The following ARID1B variants were observed in gnomAD, a reference collection of about 807,000 sequenced individuals.
ARID1B encodes AT-rich interactive domain-containing protein 1B.
A neutral mutation model predicts 212.3 loss-of-function variants in ARID1B; 30 were observed. The observed-to-expected ratio is 0.14, with a 90% CI of 0.11 to 0.19. ARID1B has a LOEUF of 0.19. Among genes scored for constraint, ARID1B ranks in the 10% least tolerant of loss-of-function variants. The pLI, the probability that ARID1B is intolerant of heterozygous loss-of-function variation, is 1.00. For missense variants in ARID1B, 2,891 were observed against 3,204.0 expected (o/e 0.90, Z 2.36); for synonymous variants, 1,402 against 1,301.7 (o/e 1.08, Z -1.66).
chr6:157,039,658 C>CT (rs1562569070), intron 4 of ARID1B, among the ~76,000 whole-genome samples: 5 of 51,302 alleles, frequency 9.7e-5, no homozygotes, highest in African/African-American at 7.5e-4. Context: ...TCCTTCCTTC[C>CT]TTCCTTCCTT....
chr6:157,113,471 A>G lies in ARID1B; in HGVS notation c.2581+2910A>G, dbSNP rs1023321701. Among the ~76,000 whole-genome samples, 4 of 152,242 alleles carry G rather than the reference A, an allele frequency of 2.6e-5. No individual in the cohort carries two copies. In the East Asian group the frequency reaches 7.7e-4, roughly 29 times the overall value. ...GCTGGGGAGGCCTCTGGAAACTTCC[A>G]GTCATGATGGAAGGTGAAGGCAAAT... On this transcript the variant is annotated intron_variant, in intron 6 of 19. Transcript: ENST00000636930.
At chr6:156,842,652 G>A (rs1460643214) in intron 2 of ARID1B, among the ~76,000 whole-genome samples, 1 of 152,138 alleles carries the variant, frequency 6.6e-6, no homozygotes, top group Non-Finnish European at 1.5e-5. Flanking sequence ...GGATCATGTG[G>A]TAATTCTATA....
intron 2 of ARID1B, among the ~76,000 whole-genome samples, chr6:156,835,602 C>T (rs554433808): frequency 6.6e-6 from 1 of 152,152 alleles, no homozygotes; most frequent in South Asian, 2.1e-4. Context: ...CAGTATATAG[C>T]GCCTAGTACT....
At position 156,886,992 on chromosome 6, in the gene ARID1B, A is replaced by G. The variant is rs542866282; in HGVS notation, c.1987-14384A>G. 1.3e-4 allele frequency among the ~76,000 whole-genome samples: 20 copies of G among 152,306 alleles called. No homozygotes were observed. In the South Asian group the frequency reaches 2.1e-3, roughly 16 times the overall value. Reference sequence around the variant, plus strand: ...TGTTCCACTGACCCTACCTTTGTACATGGAATTCAGGGGAGGAATCATTGC... The same window carrying G: ...TGTTCCACTGACCCTACCTTTGTACGTGGAATTCAGGGGAGGAATCATTGC... On this transcript the variant is annotated intron_variant, in intron 2 of 19. Transcript: ENST00000636930.
chr6:156,784,943 A>G (rs551643072), intron 1 of ARID1B, among the ~76,000 whole-genome samples: 146 of 152,210 alleles, frequency 9.6e-4, no homozygotes, highest in African/African-American at 3.3e-3. Flanking sequence ...TATTTTTCGT[A>G]GAGATGGGGT....
intron 1 of ARID1B, among the ~76,000 whole-genome samples, chr6:156,817,111 A>G (rs1171970909): frequency 1.3e-5 from 2 of 151,854 alleles, no homozygotes; most frequent in East Asian, 3.9e-4. Flanking sequence ...AAGGCCGGGC[A>G]TGGTGCCTTA....
At chr6:156,901,761 TG>T in intron 3 of ARID1B, 1 of 579,124 alleles carries the variant, frequency 1.7e-6, no homozygotes, top group South Asian at 2.3e-5. Flanking sequence ...TACTGGTTAG[TG>T]GCAGCAGAAA....
At chr6:157,065,462 G>A (rs1384344217) in intron 4 of ARID1B, among the ~76,000 whole-genome samples, 1 of 152,156 alleles carries the variant, frequency 6.6e-6, no homozygotes, top group African/African-American at 2.4e-5. Flanking sequence ...TTGATGAAAG[G>A]TGCCTTTATG....
chr6:156,924,745 A>C (rs1791087222), intron 3 of ARID1B, among the ~76,000 whole-genome samples: 1 of 152,202 alleles, frequency 6.6e-6, no homozygotes, highest in African/African-American at 2.4e-5. Flanking sequence ...TTATTTAGGT[A>C]ATAAGTTATA....
At chr6:156,945,741 CT>C (rs1360745822) in intron 4 of ARID1B, among the ~76,000 whole-genome samples, 1 of 152,194 alleles carries the variant, frequency 6.6e-6, no homozygotes, top group Non-Finnish European at 1.5e-5. Context: ...AAAATAGTGT[CT>C]GGGCATGGTG....
intron 8 of ARID1B, among the ~76,000 whole-genome samples, chr6:157,160,666 T>G (rs577102611): frequency 5.3e-4 from 80 of 152,356 alleles, no homozygotes; most frequent in African/African-American, 1.9e-3. Flanking sequence ...CCTGTTTCTC[T>G]TAGGATAAAG....
intron 7 of ARID1B, among the ~76,000 whole-genome samples, chr6:157,134,777 G>C (rs78269384): frequency 7.4e-4 from 113 of 152,276 alleles, no homozygotes; most frequent in Non-Finnish European, 1.4e-3. Flanking sequence ...TTGGAAAAAC[G>C]GTTTGTAACT....
chr6:156,854,357 A>G (rs1315654250), intron 2 of ARID1B, among the ~76,000 whole-genome samples: 2 of 152,120 alleles, frequency 1.3e-5, no homozygotes, highest in Non-Finnish European at 2.9e-5. Context: ...GTACTTGGGG[A>G]CTTTCTGTGG....
chr6:156,826,314 A>G (rs537430656), intron 1 of ARID1B, among the ~76,000 whole-genome samples: 6 of 152,280 alleles, frequency 3.9e-5, no homozygotes, highest in Admixed American at 3.9e-4. Flanking sequence ...CCTTTGTTAA[A>G]GCCCATGGCA....
intron 3 of ARID1B, among the ~76,000 whole-genome samples, chr6:156,905,707 A>G (rs1246874305): frequency 1.3e-5 from 2 of 151,876 alleles, no homozygotes; most frequent in Non-Finnish European, 2.9e-5. Flanking sequence ...CTGTTTCTCT[A>G]TTATCTTTTA....
chr6:156,795,958 G>T (rs1780344500), intron 1 of ARID1B, among the ~76,000 whole-genome samples: 1 of 152,112 alleles, frequency 6.6e-6, no homozygotes, highest in Admixed American at 6.6e-5. Flanking sequence ...TCCTGCTGGG[G>T]TTCCTGCGCG....
intron 4 of ARID1B, among the ~76,000 whole-genome samples, chr6:157,021,941 G>A (rs1780321841): frequency 6.6e-6 from 1 of 152,178 alleles, no homozygotes; most frequent in South Asian, 2.1e-4. Flanking sequence ...CGCGCCCAGC[G>A]CTTAAGGTTT....
intron 3 of ARID1B, among the ~76,000 whole-genome samples, chr6:156,915,628 G>T (rs984819272): frequency 1.3e-5 from 2 of 151,826 alleles, no homozygotes; most frequent in Non-Finnish European, 1.5e-5. Context: ...GGGCTCAGTG[G>T]CTCATGCCTG....
intron 7 of ARID1B, among the ~76,000 whole-genome samples, chr6:157,134,453 C>T (rs1788775932): frequency 6.6e-6 from 1 of 152,198 alleles, no homozygotes; most frequent in Non-Finnish European, 1.5e-5. Context: ...AAGCAAACGT[C>T]TGTATAGAGC....
Sources: allele counts gnomAD v4.1 joint callset (sites outside exome capture counted in the v4.1 genomes callset), GRCh38; gene constraint gnomAD v4.1.1; transcripts MANE v1.5; gene names NCBI Gene and HGNC (gene_info 2026-07-23, HGNC 2026-07-21).